Variants in VANGL2 observed in about 807,000 individuals in gnomAD.
VANGL2 encodes VANGL planar cell polarity protein 2, also known as vang-like protein 2.
A neutral mutation model predicts 50.2 loss-of-function variants in VANGL2; 14 were observed. That is an observed-to-expected ratio of 0.28 (90% CI 0.18 to 0.44). VANGL2 has a LOEUF of 0.44. VANGL2 is among the 20% of genes least tolerant of loss of function. The pLI is 1.00. For synonymous variants in VANGL2, 295 were observed against 297.2 expected, an observed-to-expected ratio of 0.99 and a Z score of 0.08; for missense variants, 533 against 701.5, an observed-to-expected ratio of 0.76 and a Z score of 2.71.
In VANGL2 at chr1:160,425,236, G is replaced by A; in HGVS notation, c.1424G>A (p.Gly475Asp). 6.2e-7 allele frequency: 1 copy of A among 1,614,138 alleles called. No individual in the cohort carries two copies. Among genetic ancestry groups the A allele is most frequent in the East Asian group, 2.2e-5 (1 of 44,870 alleles). Residue 475 changes from glycine (G) to aspartate (D), a missense_variant, in exon 8 of 8, where the codon GGC becomes GAC. Physicochemically the swap from Gly to Asp is moderately conservative, Grantham distance 94. Transcript: ENST00000368061. ...CCGGTGACCAACGGCCTCAAGGATG[G>A]CATCGTTTTCCTCTTAAAACGCCAG... ...EEPVTNGLKD[G>D]IVFLLKRQDF...
At position 160,419,078 on chromosome 1, in the gene VANGL2, G is replaced by T. The variant is rs759993919; in HGVS notation, c.269G>T (p.Arg90Leu). 4 of 1,613,940 alleles carry T rather than the reference G, an allele frequency of 2.5e-6. No individual in the cohort carries two copies. The highest frequency in any genetic ancestry group is 3.4e-6 in the Non-Finnish European group (4 of 1,179,832). The stretch of plus-strand genomic sequence containing the variant: ...AGCATCTCCCATGATGACCTCACAC[G>T]CATCGCCAAGGACATGGAGGACAGT... ...EHSISHDDLT[R>L]IAKDMEDSVP... Residue 90 changes from arginine to leucine, a missense_variant, in exon 4 of 8, where the codon CGC (arginine) becomes CTC (leucine). Transcript: ENST00000368061. The surrounding 1 kb of genome is among the most constrained non-coding windows in gnomAD (Gnocchi z 5.8).
Position 160,415,667 on chromosome 1 carries a change from C to A in VANGL2, c.-171C>A, listed in dbSNP as rs1043079209. On this transcript the variant is annotated 5_prime_UTR_variant, in exon 2 of 8. In the 5' UTR this introduces an upstream ATG that the reference lacks. Transcript: ENST00000368061. ...CACCAGGAGCGTCGCTGGATTTTCT[C>A]TGAGACAAGCCCACCCGTCCAGCAA... The A allele has an allele frequency of 2.7e-6, 2 of 749,334 alleles. No individual in the cohort carries two copies. Among genetic ancestry groups the A allele is most frequent in the African/African-American group, 1.8e-5 (1 of 56,820 alleles). The allele number at this position is 749,334 out of a possible 1,614,324, so 46.4% of individuals were successfully genotyped here.
chr1:160,402,259 A>G (rs879885522), intron 1 of VANGL2, among the ~76,000 whole-genome samples: 1 of 152,094 alleles, frequency 6.6e-6, no homozygotes, highest in Non-Finnish European at 1.5e-5. Context: ...TTCCTCCCCC[A>G]TCGTCATAGG....
chr1:160,406,839 C>T (rs981084004), intron 1 of VANGL2, among the ~76,000 whole-genome samples: 2 of 152,078 alleles, frequency 1.3e-5, no homozygotes, highest in Non-Finnish European at 2.9e-5. Context: ...AGTGATTCTC[C>T]TGCCTCAGCC....
chr1:160,409,458 A>G (rs945148311), intron 1 of VANGL2, among the ~76,000 whole-genome samples: 1 of 152,126 alleles, frequency 6.6e-6, no homozygotes, highest in Non-Finnish European at 1.5e-5. Context: ...AGGGAAAGGG[A>G]AAGGGAAAGG....
chr1:160,403,293 G>A (rs1650546095), intron 1 of VANGL2, among the ~76,000 whole-genome samples: 1 of 152,098 alleles, frequency 6.6e-6, no homozygotes, highest in African/African-American at 2.4e-5. Context: ...CTGATCACAT[G>A]CATGATATAT....
intron 7 of VANGL2, among the ~76,000 whole-genome samples, chr1:160,424,773 C>T (rs974253799): frequency 5.9e-5 from 9 of 152,076 alleles, no homozygotes; most frequent in African/African-American, 1.2e-4. Context: ...CTGCTTGGCA[C>T]GAATCATACA....
chr1:160,408,553 C>G (rs1467647350), intron 1 of VANGL2, among the ~76,000 whole-genome samples: 1 of 152,160 alleles, frequency 6.6e-6, no homozygotes, highest in Admixed American at 6.5e-5. Flanking sequence ...ATGACACAAG[C>G]ATGGCCAGGA....
At chr1:160,415,278 T>C (rs1651015205) in intron 1 of VANGL2, among the ~76,000 whole-genome samples, 2 of 152,206 alleles carry the variant, frequency 1.3e-5, no homozygotes, top group African/African-American at 4.8e-5. Flanking sequence ...TGATTCAGCC[T>C]GTTGGCCTGG....
chr1:160,419,637 G>T lies in VANGL2; in HGVS notation c.800+28G>T. ...ACTAGCCCACGGCTGGAGAAGGGTT[G>T]GGAGGGAAAGGGCATGGGAGGATGT... On this transcript the variant is annotated intron_variant, in intron 4 of 7. Coordinates refer to ENST00000368061, the MANE Select transcript of VANGL2 (RefSeq NM_020335.3). The surrounding 1 kb of genome is among the most constrained non-coding windows in gnomAD (Gnocchi z 5.8). The T allele has an allele frequency of 6.3e-7, 1 of 1,596,308 alleles. No homozygotes were observed. The highest frequency in any genetic ancestry group is 1.1e-5 in the South Asian group (1 of 90,632).
chr1:160,416,098 T>C lies in VANGL2; in HGVS notation c.108T>C (p.Asp36=). The part of the protein sequence containing the change: ...RRDRHRSKSR[D]GGRGDKSVTI... ...ACCGACACCGCTCTAAGAGTCGAGA[T>C]GGGGGCCGAGGGGACAAGTCGGTGA... is the stretch of plus-strand genomic sequence containing the variant. The change falls in exon 3 of 8, where the codon GAT becomes GAC. Residue 36 remains aspartate, a synonymous_variant. Transcript: ENST00000368061. 6.2e-7 allele frequency: 1 copy of C among 1,614,130 alleles called. No homozygotes were observed. Among genetic ancestry groups the C allele is most frequent in the South Asian group, 1.1e-5 (1 of 91,076 alleles).
chr1:160,419,054 G>T lies in VANGL2; in HGVS notation c.245G>T (p.Ser82Ile), dbSNP rs760652542. The T allele has an allele frequency of 6.2e-7, 1 of 1,612,766 alleles. No individual in the cohort carries two copies. Among genetic ancestry groups the T allele is most frequent in the Non-Finnish European group, 8.5e-7 (1 of 1,178,886 alleles). The change falls in exon 4 of 8, where the codon AGC (serine) becomes ATC (isoleucine). Residue 82 changes from serine (S) to isoleucine (I), a missense_variant. Ser to Ile is a moderately radical substitution (Grantham distance 142, BLOSUM62 -2). Coordinates refer to ENST00000368061, the MANE Select transcript of VANGL2 (RefSeq NM_020335.3). This position sits in a 1 kb window ranked among gnomAD's most constrained non-coding sequence, Gnocchi z 5.8. ...TTVVTGTSEHSISHDDLTRIA... is the reference protein window; with the variant it reads ...TTVVTGTSEHIISHDDLTRIA... ...GTAGTAACGGGCACCTCAGAGCACAGCATCTCCCATGATGACCTCACACGC... is the reference window on the plus strand; with the variant it reads ...GTAGTAACGGGCACCTCAGAGCACATCATCTCCCATGATGACCTCACACGC...
chr1:160,424,158 A>G lies in VANGL2; in HGVS notation c.1180A>G (p.Ile394Val), dbSNP rs138526867. ...GGACCCCCGGGAGGCAGCCCAAGCC[A>G]TCTTTGCATCCATGGCCCGTGCCAT... The part of the protein sequence containing the change: ...VMDPREAAQA[I>V]FASMARAMQK... The change falls in exon 7 of 8, where the codon ATC (isoleucine) becomes GTC (valine). Residue 394 changes from isoleucine to valine, a missense_variant. By Grantham distance (29) the Ile-to-Val change is conservative. Transcript: ENST00000368061. 1.2e-6 allele frequency: 2 copies of G among 1,614,212 alleles called. No homozygotes were observed. Among genetic ancestry groups the G allele is most frequent in the African/African-American group, 1.3e-5 (1 of 75,048 alleles).
chr1:160,417,941 C>T (rs1226420037), intron 3 of VANGL2, among the ~76,000 whole-genome samples: 3 of 121,160 alleles, frequency 2.5e-5, no homozygotes, highest in Admixed American at 2.1e-4. Context: ...GATGGAGTTT[C>T]GCTCTTGTTG....
Position 160,421,056 on chromosome 1 carries a change from C to G in VANGL2, c.942C>G (p.Asn314Lys). ...CTCTATCCTGTTCCTGTGCAGAAAA[C>G]AGCACCAACAACTCCACTGGCCAGT... The part of the protein sequence containing the change: ...GFKVYSLGEE[N>K]STNNSTGQSR... Residue 314 changes from asparagine to lysine, a missense_variant, in exon 6 of 8, where the codon AAC becomes AAG. Transcript: ENST00000368061. 6.2e-7 allele frequency: 1 copy of G among 1,614,182 alleles called. No individual in the cohort carries two copies. Among genetic ancestry groups the G allele is most frequent in the Non-Finnish European group, 8.5e-7 (1 of 1,180,046 alleles).
At chr1:160,404,252 CAT>C (rs1441197754) in intron 1 of VANGL2, among the ~76,000 whole-genome samples, 1 of 152,086 alleles carries the variant, frequency 6.6e-6, no homozygotes, top group Middle Eastern at 3.2e-3. Flanking sequence ...CCAGGGGAGA[CAT>C]GTGAAAACAT....
rs1236112844 is a variant in VANGL2, at chr1:160,425,679, T to G, written c.*301T>G. 6.1e-6 allele frequency: 2 copies of G among 327,340 alleles called. No homozygotes were observed. Among genetic ancestry groups the G allele is most frequent in the Non-Finnish European group, 1.1e-5 (2 of 177,458 alleles). The allele number at this position is 327,340 out of a possible 1,614,324, so 20.3% of individuals were successfully genotyped here. On this transcript the variant is annotated 3_prime_UTR_variant, in exon 8 of 8. Transcript: ENST00000368061. ...TCTCTCCCTCTTCTTTCCCTAGTCT[T>G]TTCCCAGATTACAGTCTCTCCTGAA...
At chr1:160,416,881 T>C (rs1458129485) in intron 3 of VANGL2, among the ~76,000 whole-genome samples, 1 of 152,120 alleles carries the variant, frequency 6.6e-6, no homozygotes, top group Non-Finnish European at 1.5e-5. Context: ...CTTGGGATCA[T>C]CTTTGGGGGC....
rs1651261986 is a variant in VANGL2, at chr1:160,421,199, G to T, written c.1073+12G>T. 1 of 1,612,176 alleles carries T rather than the reference G, an allele frequency of 6.2e-7. No individual in the cohort carries two copies. The highest frequency in any genetic ancestry group is 1.7e-5 in the Admixed American group (1 of 59,988). ...AAGAGGAGGGCCAGGTGGGTCCCTG[G>T]GGGAGAAGAGGAGAGGAGGTGCTTG... On this transcript the variant is annotated intron_variant, in intron 6 of 7. Coordinates refer to ENST00000368061, the MANE Select transcript of VANGL2 (RefSeq NM_020335.3).
Sources: allele counts gnomAD v4.1 joint callset (sites outside exome capture counted in the v4.1 genomes callset), GRCh38; gene constraint gnomAD v4.1.1; non-coding constraint Gnocchi (gnomAD v3.1); transcripts MANE v1.5; gene names NCBI Gene and HGNC (gene_info 2026-07-23, HGNC 2026-07-21).